The following ANKS1B variants were observed in gnomAD, a reference collection of about 807,000 sequenced individuals.
ANKS1B encodes the protein ankyrin repeat and sterile alpha motif domain-containing protein 1B.
In ANKS1B, 36 loss-of-function variants were observed where a neutral mutation model predicts 148.3. The observed-to-expected ratio is 0.24, with a 90% confidence interval of 0.19 to 0.32. The LOEUF is 0.32. Ranked by LOEUF, ANKS1B falls within the 10% of genes least tolerant of loss-of-function variation. ANKS1B has a pLI of 1.00. For missense variants in ANKS1B, 1,157 were observed against 1,542.6 expected (o/e 0.75, Z 4.19); for synonymous variants, 542 against 560.8 (o/e 0.97, Z 0.47).
chr12:99,384,233 T>G (rs552421359), intron 12 of ANKS1B, among the ~76,000 whole-genome samples: 6 of 152,302 alleles, frequency 3.9e-5, no homozygotes, highest in Admixed American at 6.5e-5. Flanking sequence ...TACAGTATAG[T>G]GGGAAGAGGT....
At chr12:99,903,585 C>G (rs1287351598) in intron 1 of ANKS1B, among the ~76,000 whole-genome samples, 1 of 152,050 alleles carries the variant, frequency 6.6e-6, no homozygotes, top group Non-Finnish European at 1.5e-5. Flanking sequence ...TAATACAAGC[C>G]ACATATGAAA....
chr12:99,782,066 G>T lies in ANKS1B; in HGVS notation c.701C>A (p.Ala234Asp). The change falls in exon 5 of 27, where the codon GCT (alanine) becomes GAT (aspartate). Residue 234 changes from alanine to aspartate, a missense_variant. Transcript: ENST00000683438. ...TACAACATCCACCTTTCCAAACAAA[G>T]CTGCTTCATGAAGTGCACTCCCCTT... ...TEKGSALHEA[A>D]LFGKVDVVRV... The T allele has an allele frequency of 6.2e-7, 1 of 1,605,346 alleles. No homozygotes were observed.
chr12:99,694,694 TAA>T (rs1298015939), intron 8 of ANKS1B, among the ~76,000 whole-genome samples: 1 of 152,166 alleles, frequency 6.6e-6, no homozygotes, highest in Non-Finnish European at 1.5e-5. Context: ...ACTAAAATTG[TAA>T]AGAGTTAATG....
At chr12:99,942,898 A>G (rs1436798147) in intron 1 of ANKS1B, among the ~76,000 whole-genome samples, 4 of 152,124 alleles carry the variant, frequency 2.6e-5, no homozygotes. Flanking sequence ...ACTGCTACCA[A>G]TGGTCTCAGA....
At chr12:98,849,650 AAATAT>A (rs1200826580) in intron 17 of ANKS1B, among the ~76,000 whole-genome samples, 1 of 152,234 alleles carries the variant, frequency 6.6e-6, no homozygotes, top group Non-Finnish European at 1.5e-5. Context: ...GAACTTAATA[AAATAT>A]AAGTTTTCAA....
chr12:98,867,718 G>A (rs1381996499), intron 17 of ANKS1B, among the ~76,000 whole-genome samples: 1 of 151,804 alleles, frequency 6.6e-6, no homozygotes, highest in Non-Finnish European at 1.5e-5. Context: ...GAAAATTAGT[G>A]GGGTGTGGTG....
intron 14 of ANKS1B, among the ~76,000 whole-genome samples, chr12:99,220,704 C>T (rs902982780): frequency 1.2e-4 from 19 of 152,036 alleles, no homozygotes; most frequent in Admixed American, 6.5e-4. Flanking sequence ...GCCTTGGCCT[C>T]CCAAAGTGCT....
intron 2 of ANKS1B, among the ~76,000 whole-genome samples, chr12:99,816,443 C>CTGA (rs1321161180): frequency 2.0e-5 from 3 of 151,598 alleles, no homozygotes; most frequent in African/African-American, 7.3e-5. Context: ...GTTTACTCTG[C>CTGA]TGATTATTTC....
chr12:98,855,139 C>T (rs1393511993), intron 17 of ANKS1B, among the ~76,000 whole-genome samples: 1 of 146,970 alleles, frequency 6.8e-6, no homozygotes, highest in Non-Finnish European at 1.5e-5. Context: ...GCAGTCCGAC[C>T]TGGGCGACAG....
intron 17 of ANKS1B, among the ~76,000 whole-genome samples, chr12:98,966,312 T>C (rs1336284973): frequency 2.0e-5 from 3 of 152,178 alleles, no homozygotes; most frequent in Non-Finnish European, 4.4e-5. Flanking sequence ...TCATCATCAC[T>C]GGCCATCAGA....
At chr12:99,122,997 AAT>A (rs1555271767) in intron 15 of ANKS1B, among the ~76,000 whole-genome samples, 3 of 141,688 alleles carry the variant, frequency 2.1e-5, no homozygotes, top group East Asian at 2.0e-4. Context: ...TTAAAAAAAA[AAT>A]ATATATATAT....
At chr12:98,931,608 C>A (rs1320641350) in intron 17 of ANKS1B, 5 of 152,166 alleles carry the variant, frequency 3.3e-5, no homozygotes, top group Middle Eastern at 3.2e-3. Context: ...CTGTTACAAC[C>A]ATGTTTTGTT....
At chr12:98,894,783 G>C in intron 17 of ANKS1B, 1 of 985,058 alleles carries the variant, frequency 1.0e-6, no homozygotes, top group Non-Finnish European at 1.2e-6. Flanking sequence ...GCGGCGAGGC[G>C]AGGGCGAGCG....
intron 11 of ANKS1B, among the ~76,000 whole-genome samples, chr12:99,421,592 C>T (rs1275603565): frequency 1.3e-5 from 2 of 151,896 alleles, no homozygotes; most frequent in Non-Finnish European, 2.9e-5. Flanking sequence ...GAAAGCATGG[C>T]ATTAGGAGGT....
chr12:99,845,569 G>A (rs4628783), intron 1 of ANKS1B, among the ~76,000 whole-genome samples: 2 of 152,192 alleles, frequency 1.3e-5, no homozygotes, highest in Non-Finnish European at 2.9e-5. Context: ...CAGGGATGAA[G>A]CTGAGTTGAT....
intron 17 of ANKS1B, among the ~76,000 whole-genome samples, chr12:99,036,434 A>G (rs962091196): frequency 2.6e-5 from 4 of 152,154 alleles, no homozygotes; most frequent in African/African-American, 7.2e-5. Flanking sequence ...TCTAGAACAC[A>G]CACTTTTCCT....
chr12:99,805,022 C>T (rs1251399700), intron 4 of ANKS1B, among the ~76,000 whole-genome samples: 1 of 152,032 alleles, frequency 6.6e-6, no homozygotes, highest in Admixed American at 6.6e-5. Context: ...CACAAGAGAA[C>T]ACAGCCAAGA....
At chr12:99,467,062 C>T (rs949904579) in intron 10 of ANKS1B, among the ~76,000 whole-genome samples, 2 of 152,206 alleles carry the variant, frequency 1.3e-5, no homozygotes, top group Non-Finnish European at 2.9e-5. Flanking sequence ...CAAACCTAAT[C>T]CAGCAGCACA....
chr12:99,357,859 C>G (rs974124190), intron 12 of ANKS1B, among the ~76,000 whole-genome samples: 2 of 152,090 alleles, frequency 1.3e-5, no homozygotes, highest in Admixed American at 6.5e-5. Context: ...GATAAGAATG[C>G]CCTTCTTAGC....
Sources: allele counts gnomAD v4.1 joint callset (sites outside exome capture counted in the v4.1 genomes callset), GRCh38; gene constraint gnomAD v4.1.1; transcripts MANE v1.5; gene names NCBI Gene and HGNC (gene_info 2026-07-23, HGNC 2026-07-21).